Variants in CFDP1 observed in about 807,000 individuals in gnomAD.
The protein encoded by CFDP1 is chromatin remodeling protein CFDP1, also known as heterochromatin-stabilizing protein CFDP1.
A neutral mutation model predicts 40.1 loss-of-function variants in CFDP1; 31 were observed. The observed-to-expected ratio is 0.77, with a 90% confidence interval of 0.58 to 1.04. CFDP1 has a LOEUF of 1.04. CFDP1 is among the 50% of genes least tolerant of loss of function. The pLI is 0.00. For synonymous variants in CFDP1, 167 were observed against 120.0 expected (o/e 1.39, Z -2.56); for missense variants, 423 against 343.4 (o/e 1.23, Z -1.83).
At chr16:75,409,643 G>A (rs2079138586) in intron 4 of CFDP1, among the ~76,000 whole-genome samples, 1 of 152,086 alleles carries the variant, frequency 6.6e-6, no homozygotes. Flanking sequence ...GTGCTACAAT[G>A]GAGAATGCCC....
At chr16:75,312,875 G>A (rs891432063) in intron 5 of CFDP1, among the ~76,000 whole-genome samples, 6 of 152,198 alleles carry the variant, frequency 3.9e-5, no homozygotes, top group Admixed American at 2.0e-4. Context: ...TACTCTAAAT[G>A]CACAGACTCC....
At chr16:75,301,480 G>A (rs1243893921) in intron 6 of CFDP1, among the ~76,000 whole-genome samples, 1 of 143,330 alleles carries the variant, frequency 7.0e-6, no homozygotes, top group African/African-American at 2.6e-5. Context: ...CTGTGTCTGT[G>A]TCTTCATTTC....
intron 6 of CFDP1, among the ~76,000 whole-genome samples, chr16:75,303,049 A>G (rs536414739): frequency 2.0e-4 from 30 of 151,974 alleles, no homozygotes; most frequent in Non-Finnish European, 2.5e-4. Context: ...AAAATACAAA[A>G]ATTAGCTGGG....
intron 1 of CFDP1, among the ~76,000 whole-genome samples, chr16:75,431,312 G>A (rs1443775723): frequency 6.6e-6 from 1 of 151,766 alleles, no homozygotes; most frequent in Non-Finnish European, 1.5e-5. Flanking sequence ...AAATCATTCG[G>A]GTGTGCTGGC....
chr16:75,398,067 C>G (rs1417453800), intron 4 of CFDP1, among the ~76,000 whole-genome samples: 2 of 152,198 alleles, frequency 1.3e-5, no homozygotes, highest in Non-Finnish European at 2.9e-5. Flanking sequence ...ACCCAACAAA[C>G]AAGCAGCTTG....
Position 75,411,770 on chromosome 16 carries a change from G to C in CFDP1, c.530+55C>G, listed in dbSNP as rs2079164716. ...GGATAGATGGCTAACACCAGTTAGA[G>C]AGAGACGCTCATTTTTGAAAATGCT... On this transcript the variant is annotated intron_variant, in intron 4 of 6. Transcript: ENST00000283882. 12 of 1,533,484 alleles carry C rather than the reference G, an allele frequency of 7.8e-6. No homozygotes were observed. In the East Asian group the frequency reaches 1.6e-4, roughly 20 times the overall value. 95.0% of individuals were successfully genotyped at this position (1,533,484 alleles called of 1,614,324 possible).
In CFDP1 at chr16:75,321,613, T is replaced by C. The variant is rs530070742; in HGVS notation, c.651-16431A>G. 6.9e-4 allele frequency among the ~76,000 whole-genome samples: 105 copies of C among 152,256 alleles called. 1 individual carries two copies. Among genetic ancestry groups the C allele is most frequent in the African/African-American group, 2.5e-3 (103 of 41,544 alleles). On this transcript the variant is annotated intron_variant, in intron 5 of 6. Coordinates refer to ENST00000283882, the MANE Select transcript of CFDP1 (RefSeq NM_006324.3). ...CATGTTTTTCAGTTTCTGCCTCTAG[T>C]GATAAGCGGAAAAGAGGGGTGAGGA...
At chr16:75,334,463 A>G (rs2078471274) in intron 5 of CFDP1, among the ~76,000 whole-genome samples, 1 of 150,136 alleles carries the variant, frequency 6.7e-6, no homozygotes, top group African/African-American at 2.5e-5. Flanking sequence ...AGGCTACTAG[A>G]TGGCCAGCTG....
intron 4 of CFDP1, among the ~76,000 whole-genome samples, chr16:75,399,348 T>C (rs764810351): frequency 6.6e-6 from 1 of 152,170 alleles, no homozygotes; most frequent in Non-Finnish European, 1.5e-5. Flanking sequence ...TTCCTTGCTC[T>C]GGGTAGAATC....
intron 1 of CFDP1, among the ~76,000 whole-genome samples, chr16:75,418,046 G>C (rs760247797): frequency 3.3e-5 from 5 of 151,928 alleles, no homozygotes; most frequent in Non-Finnish European, 4.4e-5. Context: ...CTGAGGCCAG[G>C]AGTTCGAGAC....
At chr16:75,417,132 C>T (rs1471215588) in intron 1 of CFDP1, among the ~76,000 whole-genome samples, 2 of 152,138 alleles carry the variant, frequency 1.3e-5, no homozygotes, top group East Asian at 3.9e-4. Context: ...GAACACGCTA[C>T]TGCATTCCAG....
At chr16:75,393,500 C>T (rs186120642) in intron 5 of CFDP1, among the ~76,000 whole-genome samples, 10 of 151,982 alleles carry the variant, frequency 6.6e-5, no homozygotes, top group Admixed American at 3.9e-4. Flanking sequence ...AATGTGGGGC[C>T]GGGGGTGGAT....
intron 5 of CFDP1, among the ~76,000 whole-genome samples, chr16:75,346,268 G>A (rs2078563198): frequency 6.6e-6 from 1 of 152,108 alleles, no homozygotes; most frequent in Non-Finnish European, 1.5e-5. Flanking sequence ...AGTTCTCTAG[G>A]GGTAAACTCT....
chr16:75,344,198 G>C (rs1236224445), intron 5 of CFDP1, among the ~76,000 whole-genome samples: 1 of 152,218 alleles, frequency 6.6e-6, no homozygotes, highest in Admixed American at 6.5e-5. Context: ...AGCTTGCTCT[G>C]TCAGTATATA....
chr16:75,386,676 G>T (rs535606502), intron 5 of CFDP1, among the ~76,000 whole-genome samples: 8 of 152,162 alleles, frequency 5.3e-5, no homozygotes, highest in African/African-American at 1.7e-4. Flanking sequence ...AGTGAGCCGA[G>T]ATCCCGACAC....
At chr16:75,417,664 G>A (rs1475383656) in intron 1 of CFDP1, among the ~76,000 whole-genome samples, 1 of 152,102 alleles carries the variant, frequency 6.6e-6, no homozygotes, top group African/African-American at 2.4e-5. Flanking sequence ...TCTCTCTACA[G>A]AACTTTGAAA....
intron 1 of CFDP1, among the ~76,000 whole-genome samples, chr16:75,421,645 G>A (rs1171294584): frequency 1.3e-5 from 2 of 152,016 alleles, no homozygotes. Context: ...CCCTAAACAA[G>A]CATACAAGGT....
intron 4 of CFDP1, among the ~76,000 whole-genome samples, chr16:75,403,880 C>G (rs1276842693): frequency 6.6e-6 from 1 of 151,974 alleles, no homozygotes; most frequent in Non-Finnish European, 1.5e-5. Context: ...ACCTGTAATC[C>G]CAGCACTTTG....
intron 5 of CFDP1, among the ~76,000 whole-genome samples, chr16:75,389,670 G>GA (rs5817944): frequency 6.6e-6 from 1 of 151,940 alleles, no homozygotes; most frequent in Non-Finnish European, 1.5e-5. Context: ...CTCCCAAAAT[G>GA]AAAAAAGTCT....
Sources: gnomAD v4.1 joint callset for allele counts (sites outside exome capture counted in the v4.1 genomes callset) on GRCh38, gnomAD v4.1.1 for gene constraint, MANE v1.5 for transcripts, NCBI Gene and HGNC (gene_info 2026-07-23, HGNC 2026-07-21) for gene names.